Variants in ANKS1B observed in about 807,000 individuals in gnomAD.
ANKS1B encodes the protein ankyrin repeat and sterile alpha motif domain-containing protein 1B.
Under a neutral mutation model 148.3 loss-of-function variants are expected in ANKS1B, and 36 were observed. The ratio of observed to expected loss-of-function variants is 0.24; its 90% confidence interval spans 0.19 to 0.32. ANKS1B has a LOEUF of 0.32. Among genes scored for constraint, ANKS1B ranks in the 10% least tolerant of loss-of-function variants. The pLI is 1.00. For synonymous variants in ANKS1B, 542 were observed against 560.8 expected (o/e 0.97, Z 0.47); for missense variants, 1,157 against 1,542.6 (o/e 0.75, Z 4.19).
At chr12:99,728,447 AT>A (rs1299902605) in intron 8 of ANKS1B, among the ~76,000 whole-genome samples, 26 of 152,336 alleles carry the variant, frequency 1.7e-4, no homozygotes, top group African/African-American at 5.3e-4. Flanking sequence ...GCCAGTCAGA[AT>A]GGTAATTATT....
chr12:99,610,787 G>A (rs1451859549), intron 9 of ANKS1B, among the ~76,000 whole-genome samples: 1 of 152,080 alleles, frequency 6.6e-6, no homozygotes, highest in Non-Finnish European at 1.5e-5. Flanking sequence ...CTGGGTAGAG[G>A]TGTACAACAA....
chr12:98,876,124 A>G (rs1167849243), intron 17 of ANKS1B, among the ~76,000 whole-genome samples: 4 of 152,202 alleles, frequency 2.6e-5, no homozygotes, highest in East Asian at 3.8e-4. Context: ...CTCTGCTTAA[A>G]GTCCCTTCAA....
Position 99,021,326 on chromosome 12 carries a change from T to A in ANKS1B, c.2778+31831A>T, listed in dbSNP as rs181230269. 1.0e-3 allele frequency among the ~76,000 whole-genome samples: 155 copies of A among 152,272 alleles called. 1 individual carries two copies. Among genetic ancestry groups the A allele is most frequent in the Non-Finnish European group, 1.6e-3 (106 of 68,004 alleles). On this transcript the variant is annotated intron_variant, in intron 17 of 26. Transcript: ENST00000683438. ...TTACTGCCATTAGAAATTGGTAACA[T>A]TTATTTGAGGATAGACTTCAAAATC...
At chr12:99,152,239 A>G (rs2075131668) in intron 15 of ANKS1B, among the ~76,000 whole-genome samples, 1 of 152,200 alleles carries the variant, frequency 6.6e-6, no homozygotes, top group African/African-American at 2.4e-5. Flanking sequence ...AATTGATTAT[A>G]CCACTTCATG....
At chr12:99,709,125 T>G (rs941295171) in intron 8 of ANKS1B, among the ~76,000 whole-genome samples, 7 of 152,138 alleles carry the variant, frequency 4.6e-5, no homozygotes, top group African/African-American at 1.7e-4. Context: ...GGCAATCTCA[T>G]GAATACTGCT....
At chr12:99,138,631 GCA>G (rs2068947329) in intron 15 of ANKS1B, among the ~76,000 whole-genome samples, 1 of 152,156 alleles carries the variant, frequency 6.6e-6, no homozygotes, top group African/African-American at 2.4e-5. Flanking sequence ...AGTGTCTGAA[GCA>G]CAGTTTCAGG....
intron 9 of ANKS1B, among the ~76,000 whole-genome samples, chr12:99,553,626 A>T (rs1204898156): frequency 6.6e-6 from 1 of 152,220 alleles, no homozygotes; most frequent in East Asian, 1.9e-4. Flanking sequence ...TTCCAATAAA[A>T]CTTTACTTAC....
At chr12:99,255,064 A>G (rs1305228208) in intron 12 of ANKS1B, among the ~76,000 whole-genome samples, 2 of 152,186 alleles carry the variant, frequency 1.3e-5, no homozygotes, top group African/African-American at 4.8e-5. Flanking sequence ...TTTATATAAG[A>G]TTGGAACGAT....
intron 8 of ANKS1B, among the ~76,000 whole-genome samples, chr12:99,743,976 T>C (rs2153584457): frequency 6.6e-6 from 1 of 152,294 alleles, no homozygotes. Context: ...AAGCCAATGG[T>C]GATACCAGAA....
chr12:99,847,404 C>T (rs561441627), intron 1 of ANKS1B, among the ~76,000 whole-genome samples: 24 of 152,282 alleles, frequency 1.6e-4, no homozygotes, highest in East Asian at 7.7e-4. Flanking sequence ...CTTCTCCGAC[C>T]TTTCTGTGTA....
intron 12 of ANKS1B, among the ~76,000 whole-genome samples, chr12:99,367,295 G>C (rs1337268962): frequency 6.6e-6 from 1 of 152,138 alleles, no homozygotes; most frequent in African/African-American, 2.4e-5. Context: ...AATGGCCCCT[G>C]AGCACCTAAA....
At chr12:98,863,756 AC>A (rs1158884810) in intron 17 of ANKS1B, among the ~76,000 whole-genome samples, 2 of 152,254 alleles carry the variant, frequency 1.3e-5, no homozygotes, top group African/African-American at 4.8e-5. Context: ...CCAGTAATGA[AC>A]AAAATGCTAA....
At chr12:99,270,671 C>T (rs530216473) in intron 12 of ANKS1B, among the ~76,000 whole-genome samples, 120 of 152,238 alleles carry the variant, frequency 7.9e-4, no homozygotes, top group Non-Finnish European at 1.3e-3. Context: ...ATATCAGCCT[C>T]ATCTTCCTCA....
intron 11 of ANKS1B, among the ~76,000 whole-genome samples, chr12:99,414,335 T>C (rs943589863): frequency 6.6e-6 from 1 of 152,174 alleles, no homozygotes; most frequent in Non-Finnish European, 1.5e-5. Flanking sequence ...AATTGAACTC[T>C]TTCCCTTCTT....
rs777236190 is a variant in ANKS1B at position 99,084,920 on chromosome 12, C to T, written c.2625+5G>A. 1 of 1,604,866 alleles carries T rather than the reference C, an allele frequency of 6.2e-7. No homozygotes were observed. The highest frequency in any genetic ancestry group is 8.5e-7 in the Non-Finnish European group (1 of 1,175,312). On this transcript the variant is annotated splice_donor_5th_base_variant and intron_variant, in intron 16 of 26. Transcript: ENST00000683438. The stretch of plus-strand genomic sequence containing the variant: ...CAGGACTAGGGCAATAAAAGTATTG[C>T]TCACCTTTGGAAGGAGCTGGATTGC...
chr12:99,191,391 C>T (rs966814584), intron 14 of ANKS1B, among the ~76,000 whole-genome samples: 1 of 152,192 alleles, frequency 6.6e-6, no homozygotes, highest in Non-Finnish European at 1.5e-5. Flanking sequence ...AAGACACATG[C>T]ACACGTGTGT....
At chr12:99,121,043 T>C (rs2062672673) in intron 15 of ANKS1B, among the ~76,000 whole-genome samples, 1 of 152,140 alleles carries the variant, frequency 6.6e-6, no homozygotes, top group Admixed American at 6.5e-5. Context: ...TAAAAATCAG[T>C]TGGGTCTATC....
chr12:99,308,081 G>A (rs181994695), intron 12 of ANKS1B, among the ~76,000 whole-genome samples: 40 of 152,136 alleles, frequency 2.6e-4, no homozygotes, highest in Non-Finnish European at 5.0e-4. Context: ...ATTGTGACTC[G>A]TTTAACTATA....
intron 8 of ANKS1B, among the ~76,000 whole-genome samples, chr12:99,723,369 C>T (rs2058295187): frequency 6.6e-6 from 1 of 152,178 alleles, no homozygotes; most frequent in Non-Finnish European, 1.5e-5. Context: ...AACACACCGG[C>T]TGTGGCAGAC....
Sources: gnomAD v4.1 joint callset for allele counts (sites outside exome capture counted in the v4.1 genomes callset) on GRCh38, gnomAD v4.1.1 for gene constraint, MANE v1.5 for transcripts, NCBI Gene and HGNC (gene_info 2026-07-23, HGNC 2026-07-21) for gene names.